The following ARHGAP15 variants were observed in gnomAD, a reference collection of about 807,000 sequenced individuals.
ARHGAP15 encodes rho GTPase-activating protein 15.
Under a neutral mutation model 63.7 loss-of-function variants are expected in ARHGAP15, and 51 were observed. The observed-to-expected ratio is 0.80, with a 90% CI of 0.64 to 1.01. The LOEUF is 1.01. Ranked by LOEUF, ARHGAP15 falls within the 50% of genes least tolerant of loss-of-function variation. The pLI is 0.00. For missense variants in ARHGAP15, 560 were observed against 564.6 expected, an observed-to-expected ratio of 0.99 and a Z score of 0.08; for synonymous variants, 191 against 193.8, an observed-to-expected ratio of 0.99 and a Z score of 0.12.
intron 6 of ARHGAP15, among the ~76,000 whole-genome samples, chr2:143,419,601 T>A (rs1288715414): frequency 4.0e-5 from 6 of 151,546 alleles, no homozygotes; most frequent in East Asian, 1.9e-4. Flanking sequence ...AAAAAAATAA[T>A]AAGATACGAT....
At chr2:143,515,114 G>T (rs957287837) in intron 9 of ARHGAP15, among the ~76,000 whole-genome samples, 1 of 136,416 alleles carries the variant, frequency 7.3e-6, no homozygotes, top group African/African-American at 2.8e-5. Context: ...TCTGGTCTTC[G>T]TAACATCTTT....
At chr2:143,660,946 G>A (rs1681735995) in intron 12 of ARHGAP15, among the ~76,000 whole-genome samples, 1 of 152,192 alleles carries the variant, frequency 6.6e-6, no homozygotes, top group Non-Finnish European at 1.5e-5. Flanking sequence ...GTCTCACTGG[G>A]TTAAAATCAG....
chr2:143,242,415 C>T (rs910262744), intron 5 of ARHGAP15, among the ~76,000 whole-genome samples: 6 of 152,154 alleles, frequency 3.9e-5, no homozygotes, highest in African/African-American at 1.4e-4. Context: ...AAATAAATTG[C>T]CTTTTTAATG....
intron 6 of ARHGAP15, among the ~76,000 whole-genome samples, chr2:143,370,122 A>C (rs1333976418): frequency 6.6e-6 from 1 of 152,188 alleles, no homozygotes; most frequent in Non-Finnish European, 1.5e-5. Context: ...ACTGAACTGT[A>C]AGAACCCTAA....
At chr2:143,331,033 T>C (rs1047126475) in intron 6 of ARHGAP15, among the ~76,000 whole-genome samples, 2 of 152,148 alleles carry the variant, frequency 1.3e-5, no homozygotes, top group African/African-American at 4.8e-5. Context: ...TCATAAATCA[T>C]TTATTTCAGC....
chr2:143,671,928 GAAGAT>G (rs1187728886), intron 12 of ARHGAP15, among the ~76,000 whole-genome samples: 1 of 152,104 alleles, frequency 6.6e-6, no homozygotes, highest in Non-Finnish European at 1.5e-5. Flanking sequence ...CTTATAAGCT[GAAGAT>G]AAGAGAATTG....
At chr2:143,258,661 A>G (rs1333364333) in intron 6 of ARHGAP15, among the ~76,000 whole-genome samples, 1 of 152,268 alleles carries the variant, frequency 6.6e-6, no homozygotes, top group Non-Finnish European at 1.5e-5. Context: ...AAGTGAAACA[A>G]TGAAATGAAA....
intron 13 of ARHGAP15, among the ~76,000 whole-genome samples, chr2:143,739,298 C>CCCA (rs1261887950): frequency 6.6e-6 from 1 of 152,054 alleles, no homozygotes; most frequent in Non-Finnish European, 1.5e-5. Flanking sequence ...GGGTTCAAAG[C>CCCA]TAGATTCTGG....
chr2:143,572,291 C>G (rs1459026771), intron 11 of ARHGAP15, among the ~76,000 whole-genome samples: 1 of 152,134 alleles, frequency 6.6e-6, no homozygotes, highest in Admixed American at 6.5e-5. Context: ...CCTGTGTGTG[C>G]CTTTGGAGCC....
At chr2:143,699,722 T>C (rs1338214395) in intron 12 of ARHGAP15, among the ~76,000 whole-genome samples, 2 of 152,162 alleles carry the variant, frequency 1.3e-5, no homozygotes, top group Non-Finnish European at 2.9e-5. Flanking sequence ...TGCAACCAAA[T>C]AGTATGCTAA....
chr2:143,401,909 T>A (rs1483612331), intron 6 of ARHGAP15, among the ~76,000 whole-genome samples: 1 of 151,952 alleles, frequency 6.6e-6, no homozygotes, highest in Non-Finnish European at 1.5e-5. Context: ...ATGTGAAACA[T>A]TTCACATTTG....
intron 6 of ARHGAP15, among the ~76,000 whole-genome samples, chr2:143,356,210 C>T (rs890788261): frequency 1.3e-5 from 2 of 152,156 alleles, no homozygotes; most frequent in African/African-American, 4.8e-5. Context: ...AAGGTGCCGA[C>T]ATGCCATTCA....
chr2:143,718,524 T>G (rs1366112009), intron 13 of ARHGAP15, among the ~76,000 whole-genome samples: 1 of 152,262 alleles, frequency 6.6e-6, no homozygotes. Flanking sequence ...TAAAAATACA[T>G]GCCAAACTCA....
chr2:143,761,641 A>G (rs993691205), intron 13 of ARHGAP15, among the ~76,000 whole-genome samples: 3 of 152,186 alleles, frequency 2.0e-5, no homozygotes, highest in Admixed American at 1.3e-4. Context: ...TTTGGCTGTG[A>G]TTTTATGTGA....
chr2:143,399,589 T>C (rs1687911878), intron 6 of ARHGAP15, among the ~76,000 whole-genome samples: 1 of 152,048 alleles, frequency 6.6e-6, no homozygotes, highest in Non-Finnish European at 1.5e-5. Flanking sequence ...TACAGGGTTT[T>C]CCCACGTATT....
intron 2 of ARHGAP15, among the ~76,000 whole-genome samples, chr2:143,177,994 A>G (rs1020496459): frequency 2.1e-4 from 32 of 152,368 alleles, no homozygotes; most frequent in African/African-American, 7.7e-4. Context: ...AAATGTTGAT[A>G]GTTGTAACCC....
rs530259659 is a variant in ARHGAP15, at chr2:143,728,511, T to C, written c.1244+24987T>C. ...CTGTTGACATGCCCCGTACCAATGA[T>C]GTATTTATTTGAGCCCCAAACTAAA... On this transcript the variant is annotated intron_variant, in intron 13 of 13. Transcript: ENST00000295095. Among the ~76,000 whole-genome samples, 4 of 152,288 alleles carry C rather than the reference T, an allele frequency of 2.6e-5. No homozygotes were observed. The South Asian group carries it at 8.3e-4, about 32-fold the overall frequency.
chr2:143,434,075 T>C (rs995191911), intron 6 of ARHGAP15, among the ~76,000 whole-genome samples: 1 of 152,118 alleles, frequency 6.6e-6, no homozygotes, highest in Admixed American at 6.6e-5. Context: ...TGTCTTTTAC[T>C]GGATACATAA....
intron 6 of ARHGAP15, among the ~76,000 whole-genome samples, chr2:143,372,348 TTA>T (rs1686598697): frequency 1.2e-5 from 1 of 85,442 alleles, no homozygotes; most frequent in South Asian, 3.2e-4. Flanking sequence ...AGTAGTCGAT[TTA>T]AAAAAAAAAA....
Sources: allele counts gnomAD v4.1 joint callset (sites outside exome capture counted in the v4.1 genomes callset), GRCh38; gene constraint gnomAD v4.1.1; transcripts MANE v1.5; gene names NCBI Gene and HGNC (gene_info 2026-07-23, HGNC 2026-07-21).